RNF24: variants seen among roughly 807,000 people sequenced by gnomAD.
RNF24 encodes the protein ring finger protein 24.
In RNF24, 14 loss-of-function variants were observed where a neutral mutation model predicts 20.0. The observed-to-expected ratio is 0.70, with a 90% CI of 0.46 to 1.10. RNF24 has a LOEUF of 1.10. RNF24 is among the 50% of genes least tolerant of loss of function. The pLI, the probability that RNF24 is intolerant of heterozygous loss-of-function variation, is 0.00. For missense variants in RNF24, 124 were observed against 177.6 expected (o/e 0.70, Z 1.71); for synonymous variants, 45 against 61.1 (o/e 0.74, Z 1.23).
chr20:3,947,100 C>T (rs6116112), intron 3 of RNF24, among the ~76,000 whole-genome samples: 2,702 of 152,224 alleles, frequency 0.018, 67 homozygotes, highest in African/African-American at 0.061. Context: ...GAGGCTGAGG[C>T]AGGAGATCAC....
In RNF24 at chr20:3,981,398, C is replaced by T. The variant is rs1243051703; in HGVS notation, c.-7-17374G>A. Among the ~76,000 whole-genome samples the T allele has an allele frequency of 2.6e-5, 4 of 152,116 alleles. No homozygotes were observed. In the South Asian group the frequency reaches 8.3e-4, roughly 31 times the overall value. On this transcript the variant is annotated intron_variant, in intron 1 of 5. Coordinates refer to ENST00000358395, the MANE Select transcript of RNF24 (RefSeq NM_001134337.3). ...TGTTTAATCCATCTTGAATTTATGG[C>T]ATGGAAAAAAGACCTAAAATGGTTT...
At position 3,934,955 on chromosome 20, in the gene RNF24, A is replaced by C. The variant is rs78180507; in HGVS notation, c.308+39T>G. ...AAAAGAAGTTGGTTGATGTGCCTCA[A>C]ACTCGGGTCCCATTAAGTAATTCCA... On this transcript the variant is annotated intron_variant, in intron 5 of 5. Coordinates refer to ENST00000358395, the MANE Select transcript of RNF24 (RefSeq NM_001134337.3). This position sits in a 1 kb window ranked among gnomAD's most constrained non-coding sequence, Gnocchi z 4.0. 1 of 1,574,632 alleles carries C rather than the reference A, an allele frequency of 6.4e-7. No individual in the cohort carries two copies.
At chr20:3,984,996 C>T (rs746706489) in intron 1 of RNF24, among the ~76,000 whole-genome samples, 1 of 152,060 alleles carries the variant, frequency 6.6e-6, no homozygotes, top group Non-Finnish European at 1.5e-5. Context: ...AGGCTTCCTC[C>T]GATTTACACT....
chr20:4,013,035 T>C (rs1339398276), intron 1 of RNF24, among the ~76,000 whole-genome samples: 1 of 151,724 alleles, frequency 6.6e-6, no homozygotes, highest in African/African-American at 2.4e-5. Flanking sequence ...TCATTTTTCC[T>C]TCATAAAAGC....
intron 1 of RNF24, among the ~76,000 whole-genome samples, chr20:4,009,096 G>A (rs1378560107): frequency 6.6e-6 from 1 of 152,134 alleles, no homozygotes; most frequent in Non-Finnish European, 1.5e-5. Context: ...GGGACAGAGT[G>A]GTAAACAGGA....
At chr20:3,977,863 C>CAA (rs1244052901) in intron 1 of RNF24, among the ~76,000 whole-genome samples, 8 of 47,392 alleles carry the variant, frequency 1.7e-4, no homozygotes, top group African/African-American at 2.4e-4. Flanking sequence ...GACTCCGTCT[C>CAA]AAAAAAAAAA....
chr20:3,953,715 C>T (rs916420724), intron 2 of RNF24, among the ~76,000 whole-genome samples: 12 of 148,544 alleles, frequency 8.1e-5, no homozygotes, highest in African/African-American at 2.7e-4. Context: ...GTCTCTTTTT[C>T]GTATTAGATA....
chr20:4,009,427 T>C (rs1982251468), intron 1 of RNF24, among the ~76,000 whole-genome samples: 1 of 151,988 alleles, frequency 6.6e-6, no homozygotes, highest in Non-Finnish European at 1.5e-5. Flanking sequence ...CTGTGAGATA[T>C]GAGGGGGCAT....
chr20:3,987,348 A>G (rs1341422922), intron 1 of RNF24, among the ~76,000 whole-genome samples: 2 of 152,224 alleles, frequency 1.3e-5, no homozygotes, highest in Admixed American at 6.5e-5. Context: ...AATAAACTCT[A>G]GGGGTAATAC....
intron 1 of RNF24, among the ~76,000 whole-genome samples, chr20:3,981,419 G>A (rs1223031645): frequency 6.6e-6 from 1 of 151,954 alleles, no homozygotes; most frequent in Non-Finnish European, 1.5e-5. Context: ...GACCTAAAAT[G>A]GTTTTTCCAA....
intron 1 of RNF24, among the ~76,000 whole-genome samples, chr20:3,969,559 A>G: frequency 6.6e-6 from 1 of 152,118 alleles, no homozygotes; most frequent in East Asian, 1.9e-4. Flanking sequence ...AAGGATGACA[A>G]AAGGAGTAGT....
At chr20:3,964,873 T>C (rs556020100) in intron 1 of RNF24, among the ~76,000 whole-genome samples, 3 of 152,228 alleles carry the variant, frequency 2.0e-5, no homozygotes, top group Non-Finnish European at 2.9e-5. Context: ...TCTGGTCCCA[T>C]GGCCATGACT....
rs1442436101 is a variant in RNF24, at chr20:3,927,750, G to A, written c.*6313C>T. The A allele has an allele frequency of 6.6e-6, 1 of 152,280 alleles. No individual in the cohort carries two copies. The highest frequency in any genetic ancestry group is 1.9e-4 in the East Asian group (1 of 5,196). 9.4% of individuals were successfully genotyped at this position (152,280 alleles called of 1,614,324 possible). Reference sequence around the variant, plus strand: ...GAGGGAAGGGCAGATGGAGAGGAACGGTGTGCAGTGGGCGTGAGATGCAGA... The same window carrying A: ...GAGGGAAGGGCAGATGGAGAGGAACAGTGTGCAGTGGGCGTGAGATGCAGA... On this transcript the variant is annotated 3_prime_UTR_variant, in exon 6 of 6. Transcript: ENST00000358395.
At position 3,948,246 on chromosome 20, in the gene RNF24, G is replaced by C. The variant is rs761997008; in HGVS notation, c.177C>G (p.Ala59=). The change falls in exon 3 of 6, where the codon GCC becomes GCG. Residue 59 remains alanine (A), a synonymous_variant. Transcript: ENST00000358395. ...LRHQAHKEFY[A]YKQVILKEKV... is the part of the protein sequence containing the mutation. Reference sequence around the variant, plus strand: ...GAATTAAATTTCTCACCTGTTTGTAGGCATAAAATTCTTTGTGTGCTTGAT... The same window carrying C: ...GAATTAAATTTCTCACCTGTTTGTACGCATAAAATTCTTTGTGTGCTTGAT... 2.5e-6 allele frequency: 4 copies of C among 1,588,022 alleles called. No homozygotes were observed. The highest frequency in any genetic ancestry group is 3.4e-6 in the Non-Finnish European group (4 of 1,171,638).
intron 4 of RNF24, among the ~76,000 whole-genome samples, chr20:3,943,351 T>C (rs1002836683): frequency 2.7e-5 from 4 of 150,936 alleles, no homozygotes; most frequent in African/African-American, 9.8e-5. Context: ...ACAATTTACA[T>C]GGAAGGGTCA....
At chr20:3,968,518 T>C (rs755445297) in intron 1 of RNF24, among the ~76,000 whole-genome samples, 7 of 151,996 alleles carry the variant, frequency 4.6e-5, no homozygotes, top group Admixed American at 1.3e-4. Flanking sequence ...CTCTGGAGGC[T>C]AAGATGGGAG....
In RNF24 at chr20:3,927,410, A is replaced by C. The variant is rs1244745036; in HGVS notation, c.*6653T>G. 1 of 151,910 alleles carries C rather than the reference A, an allele frequency of 6.6e-6. No individual in the cohort carries two copies. The highest frequency in any genetic ancestry group is 1.5e-5 in the Non-Finnish European group (1 of 68,004). The allele number at this position is 151,910 out of a possible 1,614,324, so 9.4% of individuals were successfully genotyped here. A position where few individuals can be genotyped will look rare whatever the true frequency, so the allele number is the denominator to read the frequency against. On this transcript the variant is annotated 3_prime_UTR_variant, in exon 6 of 6. Coordinates refer to ENST00000358395, the MANE Select transcript of RNF24 (RefSeq NM_001134337.3). ...AAATGCATTAAAATTTTAAAATAGC[A>C]ATTAAATATACAAAAATATAGCTTA...
chr20:3,994,682 C>G (rs1163503218), intron 1 of RNF24, among the ~76,000 whole-genome samples: 2 of 152,154 alleles, frequency 1.3e-5, no homozygotes, highest in Non-Finnish European at 2.9e-5. Context: ...TGAAGCTACT[C>G]TGGGAGAAGT....
In RNF24 at chr20:3,932,084, T is replaced by C. The variant is rs1414911727; in HGVS notation, c.*1979A>G. 6.6e-6 allele frequency: 1 copy of C among 152,212 alleles called. No homozygotes were observed. The highest frequency in any genetic ancestry group is 1.5e-5 in the Non-Finnish European group (1 of 68,034). The allele number at this position is 152,212 out of a possible 1,614,324, so 9.4% of individuals were successfully genotyped here. A position where few individuals can be genotyped will look rare whatever the true frequency, so the allele number is the denominator to read the frequency against. On this transcript the variant is annotated 3_prime_UTR_variant, in exon 6 of 6. Transcript: ENST00000358395. ...GGAAGGGAAAAAACATTCTCTTTCC[T>C]ATTAGAGCCCCATAACAGAGGTGAC...
Sources: allele counts gnomAD v4.1 joint callset (sites outside exome capture counted in the v4.1 genomes callset), GRCh38; gene constraint gnomAD v4.1.1; non-coding constraint Gnocchi (gnomAD v3.1); transcripts MANE v1.5; gene names NCBI Gene and HGNC (gene_info 2026-07-23, HGNC 2026-07-21).